The following PCDH11X variants were observed in gnomAD, a reference collection of about 807,000 sequenced individuals.
PCDH11X encodes protocadherin-11 X-linked.
A neutral mutation model predicts 53.3 loss-of-function variants in PCDH11X; 18 were observed. That is an observed-to-expected ratio of 0.34 (90% CI 0.23 to 0.50). The LOEUF (loss-of-function observed/expected upper bound fraction) is 0.50, where lower values mean the gene tolerates loss of function less well. Ranked by LOEUF, PCDH11X falls within the 20% of genes least tolerant of loss-of-function variation. The pLI is 0.98. For missense variants in PCDH11X, 570 were observed against 1,032.4 expected (o/e 0.55, Z 6.14); for synonymous variants, 279 against 393.3 (o/e 0.71, Z 3.44).
At chrX:92,197,009 T>C (rs181309075) in intron 6 of PCDH11X, among the ~76,000 whole-genome samples, 249 of 111,538 alleles carry the variant, frequency 2.2e-3, no homozygotes, top group African/African-American at 7.9e-3. Flanking sequence ...ATCATAGAAG[T>C]ATGTTATGAG....
chrX:92,345,223 C>A (rs986262829), intron 8 of PCDH11X, among the ~76,000 whole-genome samples: 4 of 110,456 alleles, frequency 3.6e-5, no homozygotes, highest in African/African-American at 1.3e-4. Context: ...GAAGAACATT[C>A]CTTTTCAATT....
chrX:92,444,668 G>A (rs1275066362), intron 9 of PCDH11X, among the ~76,000 whole-genome samples: 13 of 101,471 alleles, frequency 1.3e-4, no homozygotes, highest in Non-Finnish European at 2.4e-4. Flanking sequence ...GATGTTGGCT[G>A]CATGTTTGTC....
At chrX:92,054,840 A>AAAAAG (rs1556004429) in intron 6 of PCDH11X, among the ~76,000 whole-genome samples, 26 of 104,802 alleles carry the variant, frequency 2.5e-4, no homozygotes, top group Non-Finnish European at 3.1e-4. Context: ...AAAAAAAAAA[A>AAAAAG]AAAAGAAAAG....
chrX:91,801,462 C>T (rs1935936382), intron 1 of PCDH11X, among the ~76,000 whole-genome samples: 1 of 110,838 alleles, frequency 9.0e-6, no homozygotes, highest in Non-Finnish European at 1.9e-5. Flanking sequence ...AGTAGATTGC[C>T]TTTGATTATA....
At chrX:91,977,111 C>T (rs1371496824) in intron 6 of PCDH11X, among the ~76,000 whole-genome samples, 1 of 111,628 alleles carries the variant, frequency 9.0e-6, no homozygotes, top group African/African-American at 3.3e-5. Flanking sequence ...TCCTGCCACA[C>T]TATGGTTGTA....
chrX:92,555,982 C>T (rs2075040047), intron 10 of PCDH11X, among the ~76,000 whole-genome samples: 1 of 109,093 alleles, frequency 9.2e-6, no homozygotes, highest in Admixed American at 9.9e-5. Context: ...ACCATCTTTG[C>T]AGGGTGACAG....
At chrX:92,495,665 G>A (rs1448194955) in intron 10 of PCDH11X, among the ~76,000 whole-genome samples, 7 of 108,821 alleles carry the variant, frequency 6.4e-5, no homozygotes, top group Non-Finnish European at 1.9e-5. Flanking sequence ...CCCGAGACTG[G>A]GAATAAAAAG....
chrX:92,613,503 T>C (rs1927601338), intron 10 of PCDH11X, among the ~76,000 whole-genome samples: 1 of 105,897 alleles, frequency 9.4e-6, no homozygotes, highest in Non-Finnish European at 1.9e-5. Context: ...TGATCTGACG[T>C]TTTTCTCTAG....
chrX:92,072,549 G>A (rs2063718966), intron 6 of PCDH11X, among the ~76,000 whole-genome samples: 2 of 111,334 alleles, frequency 1.8e-5, no homozygotes, highest in Admixed American at 9.5e-5. Context: ...AAGGCAGGAG[G>A]TTCCCTTTTG....
At chrX:92,248,956 G>A (rs1304466425) in intron 7 of PCDH11X, among the ~76,000 whole-genome samples, 3 of 111,190 alleles carry the variant, frequency 2.7e-5, no homozygotes, top group Non-Finnish European at 3.8e-5. Flanking sequence ...CACCAGCCTT[G>A]GCCTCCCAAT....
chrX:92,096,294 C>T (rs980707748), intron 6 of PCDH11X, among the ~76,000 whole-genome samples: 1 of 110,847 alleles, frequency 9.0e-6, no homozygotes, highest in Admixed American at 9.7e-5. Context: ...ATGCAGGCCC[C>T]TTTTTCCTTT....
At chrX:92,120,005 A>G (rs974574622) in intron 6 of PCDH11X, among the ~76,000 whole-genome samples, 1 of 110,884 alleles carries the variant, frequency 9.0e-6, no homozygotes, top group Non-Finnish European at 1.9e-5. Flanking sequence ...ACACACTGTT[A>G]GAATGGAATA....
At position 92,525,259 on chromosome X, in the gene PCDH11X, C is replaced by G. The variant is rs780447200; in HGVS notation, c.3367+56937C>G. ...TTTTTCTACTTTATAGACATAAGAA[C>G]AATGTAAAGAAGATAAAAATAATTC... On this transcript the variant is annotated intron_variant, in intron 10 of 10. Coordinates refer to ENST00000682573, the MANE Select transcript of PCDH11X (RefSeq NM_032968.5). 2.7e-5 allele frequency among the ~76,000 whole-genome samples: 3 copies of G among 111,038 alleles called. No individual in the cohort carries two copies. The South Asian group carries it at 1.1e-3, about 42-fold the overall frequency.
chrX:92,466,485 C>T (rs1227617613), intron 9 of PCDH11X, among the ~76,000 whole-genome samples: 1 of 109,257 alleles, frequency 9.2e-6, no homozygotes, highest in African/African-American at 3.3e-5. Flanking sequence ...TACTCCCTTA[C>T]AGTGGGAAAA....
At chrX:92,264,653 T>C (rs2067786900) in intron 8 of PCDH11X, among the ~76,000 whole-genome samples, 2 of 111,290 alleles carry the variant, frequency 1.8e-5, no homozygotes, top group African/African-American at 6.5e-5. Flanking sequence ...TAGTTCAACA[T>C]TGAAATGTTG....
chrX:92,022,179 T>C (rs965424305), intron 6 of PCDH11X, among the ~76,000 whole-genome samples: 78 of 108,020 alleles, frequency 7.2e-4, no homozygotes, highest in Admixed American at 6.1e-4. Context: ...AATATTAACC[T>C]TAAAGGTAAA....
chrX:92,179,811 CTT>C (rs1051434698), intron 6 of PCDH11X, among the ~76,000 whole-genome samples: 1 of 111,564 alleles, frequency 9.0e-6, no homozygotes, highest in Non-Finnish European at 1.9e-5. Flanking sequence ...CCAATCAAGA[CTT>C]TTTTCTACCA....
intron 8 of PCDH11X, chrX:92,288,081 T>C: frequency 2.0e-6 from 1 of 489,797 alleles, no homozygotes; most frequent in Non-Finnish European, 3.6e-6. Context: ...CTCTTTTCTT[T>C]ATAAACTACC....
At position 92,294,498 on chromosome X, in the gene PCDH11X, C is replaced by T. The variant is rs1201014705; in HGVS notation, c.3144+31355C>T. On this transcript the variant is annotated intron_variant, in intron 8 of 10. Coordinates refer to ENST00000682573, the MANE Select transcript of PCDH11X (RefSeq NM_032968.5). ...CATTTTATCCTGGCATAAATTCTAG[C>T]AATATTATTGGCTTTTATTCCAATC... 7.1e-5 allele frequency among the ~76,000 whole-genome samples: 8 copies of T among 112,271 alleles called. 1 individual carries two copies. The highest frequency in any genetic ancestry group is 1.5e-4 in the Non-Finnish European group (8 of 53,304).
Sources: gnomAD v4.1 joint callset for allele counts (sites outside exome capture counted in the v4.1 genomes callset) on GRCh38, gnomAD v4.1.1 for gene constraint, MANE v1.5 for transcripts, NCBI Gene and HGNC (gene_info 2026-07-23, HGNC 2026-07-21) for gene names.